L3MBTL4: variants seen among roughly 807,000 people sequenced by gnomAD.
L3MBTL4 encodes the protein L3MBTL histone methyl-lysine binding protein 4.
L3MBTL4 carries 70 observed loss-of-function variants against 84.5 expected under a neutral mutation model. The ratio of observed to expected loss-of-function variants is 0.83; its 90% CI spans 0.68 to 1.01. The LOEUF (loss-of-function observed/expected upper bound fraction) is 1.01, where lower values mean the gene tolerates loss of function less well. Among genes scored for constraint, L3MBTL4 ranks in the 50% least tolerant of loss-of-function variants. L3MBTL4 has a pLI of 0.00. For missense variants in L3MBTL4, 715 were observed against 754.8 expected, an observed-to-expected ratio of 0.95 and a Z score of 0.62; for synonymous variants, 274 against 259.8, an observed-to-expected ratio of 1.05 and a Z score of -0.52.
intron 13 of L3MBTL4, among the ~76,000 whole-genome samples, chr18:6,140,465 G>A (rs1339588024): frequency 2.6e-5 from 4 of 152,112 alleles, no homozygotes; most frequent in African/African-American, 9.7e-5. Context: ...TGCAGACGAG[G>A]TGTTATCAAA....
intron 13 of L3MBTL4, among the ~76,000 whole-genome samples, chr18:6,163,257 TGTGGG>T (rs2043434078): frequency 2.3e-5 from 1 of 44,180 alleles, no homozygotes; most frequent in Admixed American, 2.8e-4. Context: ...GGTGTGTGTG[TGTGGG>T]GGGGGGGTGG....
intron 13 of L3MBTL4, among the ~76,000 whole-genome samples, chr18:6,163,272 G>T (rs12970146): frequency 0.026 from 2,422 of 94,862 alleles, 60 homozygotes; most frequent in South Asian, 0.056. Flanking sequence ...GGGGGGGGTG[G>T]GTGTGTGTGT....
At position 6,071,720 on chromosome 18, in the gene L3MBTL4, A is replaced by G. The variant is rs376416105; in HGVS notation, c.1444+9161T>C. Among the ~76,000 whole-genome samples, 611 of 114,488 alleles carry G rather than the reference A, an allele frequency of 5.3e-3. 7 individuals carry two copies. The highest frequency in any genetic ancestry group is 0.011 in the Admixed American group (115 of 10,274). 75.1% of individuals were successfully genotyped at this position (114,488 alleles called of 152,430 possible). A position where few individuals can be genotyped will look rare whatever the true frequency, so the allele number is the denominator to read the frequency against. ...AAGAAAGAAAGAAAGAAAGAAGGAAAGAAAGAAGGAAAGAAAGAAGGAAGG... is the reference window on the plus strand; with the variant it reads ...AAGAAAGAAAGAAAGAAAGAAGGAAGGAAAGAAGGAAAGAAAGAAGGAAGG... On this transcript the variant is annotated intron_variant, in intron 16 of 18. Coordinates refer to ENST00000317931, the MANE Select transcript of L3MBTL4 (RefSeq NM_001330559.2).
At chr18:6,412,017 G>C (rs2055986276) in intron 1 of L3MBTL4, among the ~76,000 whole-genome samples, 1 of 152,088 alleles carries the variant, frequency 6.6e-6, no homozygotes, top group African/African-American at 2.4e-5. Context: ...TTTTCAGTTA[G>C]GGTACGTGTG....
At chr18:6,043,492 C>G (rs2056491025) in intron 16 of L3MBTL4, among the ~76,000 whole-genome samples, 1 of 152,190 alleles carries the variant, frequency 6.6e-6, no homozygotes, top group African/African-American at 2.4e-5. Context: ...TATATTAGAT[C>G]AGATATCACT....
At chr18:6,007,256 ACTG>A (rs2054530001) in intron 16 of L3MBTL4, among the ~76,000 whole-genome samples, 2 of 152,252 alleles carry the variant, frequency 1.3e-5, no homozygotes, top group South Asian at 4.1e-4. Flanking sequence ...GCTCTTAGAA[ACTG>A]CTAAGAAAAA....
chr18:6,364,039 AGG>A (rs1449357035), intron 1 of L3MBTL4, among the ~76,000 whole-genome samples: 1 of 152,110 alleles, frequency 6.6e-6, no homozygotes, highest in Non-Finnish European at 1.5e-5. Flanking sequence ...GATATTTTTA[AGG>A]GGTCCTCGAC....
intron 16 of L3MBTL4, among the ~76,000 whole-genome samples, chr18:6,041,349 T>A (rs1351168141): frequency 1.3e-5 from 2 of 152,206 alleles, no homozygotes; most frequent in South Asian, 2.1e-4. Flanking sequence ...ACCAACTTGC[T>A]TCCAACAGGT....
At chr18:6,295,315 T>TCTCTCTCTCC (rs1462739196) in intron 4 of L3MBTL4, among the ~76,000 whole-genome samples, 74 of 108,486 alleles carry the variant, frequency 6.8e-4, no homozygotes, top group African/African-American at 3.1e-3. Flanking sequence ...AACAACTCTC[T>TCTCTCTCTCC]CTCTCTCTCT....
intron 12 of L3MBTL4, among the ~76,000 whole-genome samples, chr18:6,212,442 G>T (rs570639039): frequency 1.3e-5 from 2 of 152,088 alleles, no homozygotes; most frequent in African/African-American, 4.8e-5. Flanking sequence ...TACTTGCATG[G>T]AAAATAACTT....
chr18:6,159,361 C>A (rs1262751362), intron 13 of L3MBTL4, among the ~76,000 whole-genome samples: 1 of 152,152 alleles, frequency 6.6e-6, no homozygotes, highest in Non-Finnish European at 1.5e-5. Flanking sequence ...GACCAGAGAC[C>A]CCACTCTGGC....
At chr18:6,254,439 A>G (rs1392235521) in intron 5 of L3MBTL4, among the ~76,000 whole-genome samples, 2 of 67,596 alleles carry the variant, frequency 3.0e-5, no homozygotes, top group South Asian at 3.8e-4. Context: ...TTTTTTTGCC[A>G]TCTATTTGTT....
chr18:6,214,616 A>G (rs952642211), intron 11 of L3MBTL4, among the ~76,000 whole-genome samples: 1 of 152,222 alleles, frequency 6.6e-6, no homozygotes, highest in Non-Finnish European at 1.5e-5. Flanking sequence ...CAGCTTTTGT[A>G]GAAACACATT....
intron 5 of L3MBTL4, among the ~76,000 whole-genome samples, chr18:6,246,585 T>C (rs1206438462): frequency 1.3e-5 from 2 of 152,196 alleles, no homozygotes; most frequent in Non-Finnish European, 2.9e-5. Context: ...ATGCCTATTT[T>C]GGGGTTAAAA....
At chr18:6,114,872 T>C (rs1261556021) in intron 14 of L3MBTL4, among the ~76,000 whole-genome samples, 2 of 151,860 alleles carry the variant, frequency 1.3e-5, no homozygotes, top group African/African-American at 4.9e-5. Context: ...AAAGGATACC[T>C]GCAACGGTGG....
chr18:6,209,567 A>G (rs1404255955), intron 12 of L3MBTL4, among the ~76,000 whole-genome samples: 2 of 152,162 alleles, frequency 1.3e-5, no homozygotes, highest in African/African-American at 4.8e-5. Context: ...CAGTGCAGCC[A>G]CTTCAGAAAA....
In L3MBTL4 at chr18:6,028,579, A is replaced by T. The variant is rs139327879; in HGVS notation, c.1444+52302T>A. On this transcript the variant is annotated intron_variant, in intron 16 of 18. Transcript: ENST00000317931. Reference sequence around the variant, plus strand: ...TTTATCTAATTCTGTGAAGAAAGTCAATGGTAGCTTAATGGGAATAGCATT... The same window carrying T: ...TTTATCTAATTCTGTGAAGAAAGTCTATGGTAGCTTAATGGGAATAGCATT... Among the ~76,000 whole-genome samples, 192 of 152,334 alleles carry T rather than the reference A, an allele frequency of 1.3e-3. 1 individual carries two copies. Among genetic ancestry groups the T allele is most frequent in the African/African-American group, 4.5e-3 (186 of 41,586 alleles).
intron 1 of L3MBTL4, among the ~76,000 whole-genome samples, chr18:6,348,562 C>T (rs2053030422): frequency 6.6e-6 from 1 of 152,004 alleles, no homozygotes. Context: ...AGTCCAGATG[C>T]ATTGTAGATC....
At chr18:6,322,882 C>T (rs113497938) in intron 1 of L3MBTL4, among the ~76,000 whole-genome samples, 1 of 152,108 alleles carries the variant, frequency 6.6e-6, no homozygotes, top group South Asian at 2.1e-4. Flanking sequence ...CTGCCCAAAT[C>T]TCATGTTGAA....
Sources: gnomAD v4.1 joint callset for allele counts (sites outside exome capture counted in the v4.1 genomes callset) on GRCh38, gnomAD v4.1.1 for gene constraint, MANE v1.5 for transcripts, NCBI Gene and HGNC (gene_info 2026-07-23, HGNC 2026-07-21) for gene names.